Variants in NCOR2 observed in about 807,000 individuals in gnomAD.
NCOR2 encodes CTG repeat protein 26.
Under a neutral mutation model 262.9 loss-of-function variants are expected in NCOR2, and 81 were observed. That is an observed-to-expected ratio of 0.31 (90% CI 0.26 to 0.37). The LOEUF (loss-of-function observed/expected upper bound fraction) is 0.37, where lower values mean the gene tolerates loss of function less well. Among genes scored for constraint, NCOR2 ranks in the 10% least tolerant of loss-of-function variants. NCOR2 has a pLI of 1.00. For synonymous variants in NCOR2, 1,659 were observed against 1,559.3 expected, an observed-to-expected ratio of 1.06 and a Z score of -1.51; for missense variants, 3,385 against 3,621.4, an observed-to-expected ratio of 0.93 and a Z score of 1.68.
At chr12:124,339,398 AC>A (rs2036214485) in intron 37 of NCOR2, among the ~76,000 whole-genome samples, 1 of 131,204 alleles carries the variant, frequency 7.6e-6, no homozygotes, top group Non-Finnish European at 1.6e-5. Context: ...CTACCTACCT[AC>A]CTACCACCCA....
chr12:124,368,432 G>A (rs1312553304), intron 20 of NCOR2, among the ~76,000 whole-genome samples: 2 of 152,170 alleles, frequency 1.3e-5, no homozygotes, highest in African/African-American at 4.8e-5. Context: ...CTAGGAGGGA[G>A]AGGGAGGGCT....
rs762287491 is a variant in NCOR2 at position 124,566,364 on chromosome 12, A to G, written c.-165+944T>C. Reference sequence around the variant, plus strand: ...AAAAATAAACCTACAATGTAAAAATAACGCCGGGCGCCCCACGCTAATTGG... The same window carrying G: ...AAAAATAAACCTACAATGTAAAAATGACGCCGGGCGCCCCACGCTAATTGG... On this transcript the variant is annotated intron_variant, in intron 1 of 32. Transcript: ENST00000458234. This position sits in a 1 kb window ranked among gnomAD's most constrained non-coding sequence, Gnocchi z 4.3. Among the ~76,000 whole-genome samples the G allele has an allele frequency of 6.6e-6, 1 of 152,084 alleles. No homozygotes were observed. Among genetic ancestry groups the G allele is most frequent in the Non-Finnish European group, 1.5e-5 (1 of 68,016 alleles).
chr12:124,334,433 C>A, exon 41 of NCOR2: 1 of 1,508,744 alleles, frequency 6.6e-7, no homozygotes, highest in East Asian at 2.7e-5. Flanking sequence ...CCTCTTGCCC[C>A]CTTCGCTGTG....
intron 17 of NCOR2, among the ~76,000 whole-genome samples, chr12:124,379,715 C>T (rs1295331995): frequency 2.0e-5 from 3 of 152,220 alleles, no homozygotes; most frequent in African/African-American, 7.2e-5. Context: ...CAACCCGGAA[C>T]CTCAGACCTT....
intron 30 of NCOR2, among the ~76,000 whole-genome samples, chr12:124,347,184 C>T (rs2037005181): frequency 6.6e-6 from 1 of 152,180 alleles, no homozygotes; most frequent in South Asian, 2.1e-4. Flanking sequence ...GCCTGGGCAA[C>T]ATGGTGAAAC....
chr12:124,559,882 T>C (rs1000947656), intron 1 of NCOR2, among the ~76,000 whole-genome samples: 1 of 151,980 alleles, frequency 6.6e-6, no homozygotes, highest in Non-Finnish European at 1.5e-5. Context: ...TGCCACAGAG[T>C]AGGTGCTACA....
chr12:124,556,789 G>A (rs142389613), intron 1 of NCOR2, among the ~76,000 whole-genome samples: 3,706 of 152,034 alleles, frequency 0.024, 143 homozygotes, highest in African/African-American at 0.083. Flanking sequence ...CAGAGGTTGC[G>A]GTGCATGGAG....
At chr12:124,514,326 G>A (rs1410188782) in intron 1 of NCOR2, 1 of 152,240 alleles carries the variant, frequency 6.6e-6, no homozygotes, top group Non-Finnish European at 1.5e-5. Context: ...CCAGAACTGT[G>A]AGCAATAAAG....
exon 11 of NCOR2, chr12:124,426,714 C>T (rs1356883032): frequency 2.5e-6 from 4 of 1,611,264 alleles, no homozygotes; most frequent in Non-Finnish European, 3.4e-6. Flanking sequence ...TAAGCCCGTT[C>T]ATGTTGATGA....
chr12:124,346,605 G>A (rs780980136), exon 31 of NCOR2: 2 of 1,585,336 alleles, frequency 1.3e-6, no homozygotes, highest in South Asian at 2.3e-5. Flanking sequence ...GGGGCCAGGG[G>A]CAGCTCGGGC....
chr12:124,348,164 C>A lies in NCOR2; in HGVS notation c.3985+10G>T. 6.2e-7 allele frequency: 1 copy of A among 1,609,358 alleles called. No homozygotes were observed. The highest frequency in any genetic ancestry group is 1.1e-5 in the South Asian group (1 of 91,072). ...GGCACCGAGAGATGAAGTCTCCTCC[C>A]TGCTATCACCTTCGATGCTGGCTGA... is the stretch of plus-strand genomic sequence containing the variant. On this transcript the variant is annotated intron_variant, in intron 29 of 46. Coordinates refer to ENST00000405201, the Ensembl canonical transcript of NCOR2.
intron 20 of NCOR2, 45 bp downstream of exon 22, chr12:124,371,977 T>C: frequency 1.3e-6 from 2 of 1,524,046 alleles, no homozygotes; most frequent in Admixed American, 1.9e-5. Context: ...CTGCTCAGTG[T>C]CTGCAGACAA....
intron 17 of NCOR2, among the ~76,000 whole-genome samples, chr12:124,384,533 G>A (rs954693323): frequency 6.6e-6 from 1 of 152,178 alleles, no homozygotes; most frequent in East Asian, 1.9e-4. Flanking sequence ...CCTCGGTCCC[G>A]GAGCCACCAG....
chr12:124,344,366 G>A (rs1469675222), intron 32 of NCOR2, among the ~76,000 whole-genome samples: 1 of 152,218 alleles, frequency 6.6e-6, no homozygotes, highest in African/African-American at 2.4e-5. Flanking sequence ...CAGGAAGAGG[G>A]AGGGGCGTGG....
At chr12:124,397,339 T>C (rs2041743540) in intron 16 of NCOR2, among the ~76,000 whole-genome samples, 2 of 152,066 alleles carry the variant, frequency 1.3e-5, no homozygotes, top group Admixed American at 6.5e-5. Flanking sequence ...ACCCTCCCAC[T>C]CAACAGACGG....
At chr12:124,403,682 A>G (rs1215699939) in intron 13 of NCOR2, among the ~76,000 whole-genome samples, 2 of 152,300 alleles carry the variant, frequency 1.3e-5, no homozygotes, top group African/African-American at 2.4e-5. Context: ...CTCCAAGCAG[A>G]TGGAAGAGGA....
At position 124,495,027 on chromosome 12, in the gene NCOR2, C is replaced by A; in HGVS notation, c.105+120G>T. The A allele has an allele frequency of 7.7e-7, 1 of 1,299,224 alleles. No homozygotes were observed. 80.5% of individuals were successfully genotyped at this position (1,299,224 alleles called of 1,614,324 possible). A position where few individuals can be genotyped will look rare whatever the true frequency, so the allele number is the denominator to read the frequency against. The stretch of plus-strand genomic sequence containing the variant: ...GTCTCTGTGGCGGCCTCCCCTCTGC[C>A]CTGGGAGGCTCAGAGCCACATGAGC... On this transcript the variant is annotated intron_variant, in intron 1 of 46. Coordinates refer to ENST00000405201, the Ensembl canonical transcript of NCOR2. This position sits in a 1 kb window ranked among gnomAD's most constrained non-coding sequence, Gnocchi z 4.4.
rs1211294271 is a variant in NCOR2 at position 124,483,643 on chromosome 12, G to A, written c.364C>T (p.Pro122Ser). 3 of 1,611,210 alleles carry A rather than the reference G, an allele frequency of 1.9e-6. No homozygotes were observed. The highest frequency in any genetic ancestry group is 2.2e-5 in the South Asian group (2 of 90,536). ...GCAGGCTGGCCCGTGGCCAGCAGGG[G>A]TGACGGTCGCAGCAGGGGGTCAGGC... Residue 122 changes from proline to serine, a missense_variant, in exon 3 of 47, where the codon CCC becomes TCC. Pro to Ser is a moderately conservative substitution (Grantham distance 74). This residue lies in a region of NCOR2 where 237 missense variants were observed against 229.4 expected (regional missense o/e 1.03). Transcript: ENST00000405201. The surrounding 1 kb of genome is among the most constrained non-coding windows in gnomAD (Gnocchi z 6.3).
chr12:124,460,745 C>T (rs2046120503), intron 5 of NCOR2, among the ~76,000 whole-genome samples: 1 of 152,210 alleles, frequency 6.6e-6, no homozygotes, highest in Non-Finnish European at 1.5e-5. Flanking sequence ...GGTCACCAAT[C>T]CACACAGTTC....
Sources: allele counts gnomAD v4.1 joint callset (sites outside exome capture counted in the v4.1 genomes callset), GRCh38; gene constraint gnomAD v4.1.1; regional missense constraint gnomAD v4.1.1; non-coding constraint Gnocchi (gnomAD v3.1); transcripts MANE v1.5; gene names NCBI Gene and HGNC (gene_info 2026-07-23, HGNC 2026-07-21).